Variants in CD34 observed in about 807,000 individuals in gnomAD.
CD34 encodes the protein hematopoietic progenitor cell antigen CD34.
Under a neutral mutation model 40.1 loss-of-function variants are expected in CD34, and 34 were observed. The observed-to-expected ratio is 0.85, with a 90% CI of 0.65 to 1.13. CD34 has a LOEUF of 1.13. CD34 is among the 50% of genes most tolerant of loss of function. CD34 has a pLI of 0.00. For missense variants in CD34, 426 were observed against 466.9 expected (o/e 0.91, Z 0.81); for synonymous variants, 209 against 190.0 (o/e 1.10, Z -0.82).
chr1:207,899,256 G>T, intron 2 of CD34, 30 bp from the exon 3 acceptor site: 1 of 1,610,336 alleles, frequency 6.2e-7, no homozygotes, highest in Non-Finnish European at 8.5e-7. Flanking sequence ...GGGTGTGCAT[G>T]TGTGCATGTG....
At chr1:207,908,648 G>T (rs1342720098) in intron 1 of CD34, among the ~76,000 whole-genome samples, 1 of 152,154 alleles carries the variant, frequency 6.6e-6, no homozygotes, top group Non-Finnish European at 1.5e-5. Flanking sequence ...GGAGGAAATA[G>T]ATACCCTGAG....
At position 207,890,219 on chromosome 1, in the gene CD34, T is replaced by C. The variant is rs115721475; in HGVS notation, c.598-598A>G. ...ACCCAGTTTTAATGAAGTTCATAGA[T>C]TTTTCTTCAGGTTGCTGACTGGGCC... On this transcript the variant is annotated intron_variant, in intron 4 of 7. Coordinates refer to ENST00000310833, the MANE Select transcript of CD34 (RefSeq NM_001025109.2). 1,528 of 999,968 alleles carry C rather than the reference T, an allele frequency of 1.5e-3. 17 individuals carry two copies. In the African/African-American group the frequency reaches 0.025, roughly 16 times the overall value. 61.9% of individuals were successfully genotyped at this position (999,968 alleles called of 1,614,324 possible). A position where few individuals can be genotyped will look rare whatever the true frequency, so the allele number is the denominator to read the frequency against.
rs913118479 is a variant in CD34, at chr1:207,880,990, G to C, written c.*6748C>G. The C allele has an allele frequency of 1.3e-5, 2 of 152,014 alleles. No homozygotes were observed. The highest frequency in any genetic ancestry group is 4.8e-5 in the African/African-American group (2 of 41,374). 9.4% of individuals were successfully genotyped at this position (152,014 alleles called of 1,614,324 possible). A position where few individuals can be genotyped will look rare whatever the true frequency, so the allele number is the denominator to read the frequency against. The stretch of plus-strand genomic sequence containing the variant: ...AAATGTATTCCTACCAAAACTATAA[G>C]GTCATGTTTAACAACAACAACAAAA... On this transcript the variant is annotated 3_prime_UTR_variant, in exon 8 of 8. Transcript: ENST00000310833.
chr1:207,907,406 C>T (rs1241082958), intron 1 of CD34, among the ~76,000 whole-genome samples: 1 of 152,140 alleles, frequency 6.6e-6, no homozygotes, highest in African/African-American at 2.4e-5. Flanking sequence ...TTATCATGCT[C>T]AGCAATTCAG....
chr1:207,890,013 A>C, intron 4 of CD34: 1 of 1,392,100 alleles, frequency 7.2e-7, no homozygotes. Flanking sequence ...GCAGTCCCCA[A>C]TGATGGAAGA....
At chr1:207,906,256 A>C (rs1662379002) in intron 1 of CD34, among the ~76,000 whole-genome samples, 1 of 152,222 alleles carries the variant, frequency 6.6e-6, no homozygotes, top group African/African-American at 2.4e-5. Context: ...GGCCAATTTC[A>C]CTGCAATCCA....
chr1:207,897,648 T>G (rs1662177011), intron 3 of CD34, 75 bp from the exon 4 acceptor site: 1 of 1,217,622 alleles, frequency 8.2e-7, no homozygotes, highest in Non-Finnish European at 1.2e-6. Flanking sequence ...CTTTCCCAAC[T>G]TTTTCCAGTT....
In CD34 at chr1:207,882,706, G is replaced by A. The variant is rs1230455470; in HGVS notation, c.*5032C>T. On this transcript the variant is annotated 3_prime_UTR_variant, in exon 8 of 8. Coordinates refer to ENST00000310833, the MANE Select transcript of CD34 (RefSeq NM_001025109.2). ...CTTAAAAGAATCACTCACATTTCTG[G>A]AACAATCACCCTCACTTTGCTCCTG... is the stretch of plus-strand genomic sequence containing the variant. 6.6e-6 allele frequency: 1 copy of A among 152,142 alleles called. No individual in the cohort carries two copies. Among genetic ancestry groups the A allele is most frequent in the East Asian group, 1.9e-4 (1 of 5,198 alleles). The allele number at this position is 152,142 out of a possible 1,614,324, so 9.4% of individuals were successfully genotyped here. A position where few individuals can be genotyped will look rare whatever the true frequency, so the allele number is the denominator to read the frequency against.
In CD34 at chr1:207,883,429, C is replaced by T. The variant is rs185268054; in HGVS notation, c.*4309G>A. On this transcript the variant is annotated 3_prime_UTR_variant, in exon 8 of 8. Coordinates refer to ENST00000310833, the MANE Select transcript of CD34 (RefSeq NM_001025109.2). The stretch of plus-strand genomic sequence containing the variant: ...CAAAGCACTTCATTTAGTCTTTCCT[C>T]GTGTTATTTCTCACTTTCTGTTGTG... 6.6e-5 allele frequency: 10 copies of T among 152,330 alleles called. No homozygotes were observed. The highest frequency in any genetic ancestry group is 3.9e-4 in the East Asian group (2 of 5,192). The allele number at this position is 152,330 out of a possible 1,614,324, so 9.4% of individuals were successfully genotyped here.
rs2102292129 is a variant in CD34, at chr1:207,884,723, C to T, written c.*3015G>A. 1 of 152,292 alleles carries T rather than the reference C, an allele frequency of 6.6e-6. No individual in the cohort carries two copies. Among genetic ancestry groups the T allele is most frequent in the East Asian group, 1.9e-4 (1 of 5,188 alleles). 9.4% of individuals were successfully genotyped at this position (152,292 alleles called of 1,614,324 possible). On this transcript the variant is annotated 3_prime_UTR_variant, in exon 8 of 8. Coordinates refer to ENST00000310833, the MANE Select transcript of CD34 (RefSeq NM_001025109.2). Reference sequence around the variant, plus strand: ...TAATTCCAGATATGCTCTCCATAGTCAACAGTGTAATACCCTACAGCTAAT... The same window carrying T: ...TAATTCCAGATATGCTCTCCATAGTTAACAGTGTAATACCCTACAGCTAAT...
chr1:207,907,164 C>T (rs6665709), intron 1 of CD34, among the ~76,000 whole-genome samples: 8,807 of 152,208 alleles, frequency 0.058, 473 homozygotes, highest in African/African-American at 0.14. Context: ...AACGAGATTA[C>T]AGGGCAGCCC....
Position 207,900,127 on chromosome 1 carries a change from GCAA to G in CD34, c.80-127_80-125del, listed in dbSNP as rs1662244140. On this transcript the variant is annotated intron_variant, in intron 1 of 7. Coordinates refer to ENST00000310833, the MANE Select transcript of CD34 (RefSeq NM_001025109.2). Reference sequence around the variant, plus strand: ...CATTCCCTGCTGCCCCTTGTTGGCAGCAACAAGAACATACTCCTGGACAGTGGA... The same window carrying G: ...CATTCCCTGCTGCCCCTTGTTGGCAGCAAGAACATACTCCTGGACAGTGGA... The G allele has an allele frequency of 6.9e-6, 5 of 720,226 alleles. No homozygotes were observed. In the South Asian group the frequency reaches 9.7e-5, roughly 14 times the overall value. The allele number at this position is 720,226 out of a possible 1,614,324, so 44.6% of individuals were successfully genotyped here. A position where few individuals can be genotyped will look rare whatever the true frequency, so the allele number is the denominator to read the frequency against.
At chr1:207,900,835 G>A (rs1662259011) in intron 1 of CD34, among the ~76,000 whole-genome samples, 1 of 152,032 alleles carries the variant, frequency 6.6e-6, no homozygotes, top group African/African-American at 2.4e-5. Flanking sequence ...TCTTAAGTAA[G>A]GGTCTTTTCT....
At position 207,883,885 on chromosome 1, in the gene CD34, C is replaced by T. The variant is rs556846976; in HGVS notation, c.*3853G>A. 6.6e-6 allele frequency: 1 copy of T among 152,156 alleles called. No individual in the cohort carries two copies. Among genetic ancestry groups the T allele is most frequent in the African/African-American group, 2.4e-5 (1 of 41,418 alleles). 9.4% of individuals were successfully genotyped at this position (152,156 alleles called of 1,614,324 possible). Reference sequence around the variant, plus strand: ...ATGATCGTTCTTCTTGCTACGGTCTCCTTCTACTTTCTTATCCCTCAACCT... The same window carrying T: ...ATGATCGTTCTTCTTGCTACGGTCTTCTTCTACTTTCTTATCCCTCAACCT... On this transcript the variant is annotated 3_prime_UTR_variant, in exon 8 of 8. Transcript: ENST00000310833.
intron 4 of CD34, chr1:207,890,170 T>C (rs1662003005): frequency 7.8e-6 from 8 of 1,029,692 alleles, no homozygotes; most frequent in Non-Finnish European, 7.0e-6. Flanking sequence ...GTCTTCCATC[T>C]CTGTTTTCCA....
In CD34 at chr1:207,898,115, G is replaced by A. The variant is rs1045065588; in HGVS notation, c.517-542C>T. On this transcript the variant is annotated intron_variant, in intron 3 of 7. Transcript: ENST00000310833. ...GGTTAGAGTTCAGTGGCATGATCTT[G>A]GCTCACTGCAACCTCCACCTCCCTG... Among the ~76,000 whole-genome samples, 3 of 151,486 alleles carry A rather than the reference G, an allele frequency of 2.0e-5. No individual in the cohort carries two copies. In the East Asian group the frequency reaches 5.8e-4, roughly 29 times the overall value.
intron 3 of CD34, among the ~76,000 whole-genome samples, chr1:207,898,031 T>TTTTATTTATTTATTTATTTATTTA (rs60024563): frequency 2.1e-5 from 3 of 143,378 alleles, no homozygotes; most frequent in African/African-American, 8.0e-5. Context: ...ATTTTGGCTC[T>TTTTATTTATTTATTTATTTATTTA]TTTATTTATT....
At chr1:207,889,902 A>T in intron 4 of CD34, 1 of 1,518,242 alleles carries the variant, frequency 6.6e-7, no homozygotes, top group Non-Finnish European at 8.7e-7. Context: ...AGCATTGCCC[A>T]TGTACACATA....
chr1:207,888,876 T>C (rs1291381842), intron 6 of CD34, 30 bp from the exon 7 acceptor site: 3 of 1,610,562 alleles, frequency 1.9e-6, no homozygotes, highest in Admixed American at 1.7e-5. Flanking sequence ...AGATACAGCC[T>C]GTCACTTGCC....
Sources: allele counts gnomAD v4.1 joint callset (sites outside exome capture counted in the v4.1 genomes callset), GRCh38; gene constraint gnomAD v4.1.1; transcripts MANE v1.5; gene names NCBI Gene and HGNC (gene_info 2026-07-23, HGNC 2026-07-21).